Variants in TRIP12 observed in about 807,000 individuals in gnomAD.
The protein encoded by TRIP12 is E3 ubiquitin-protein ligase TRIP12.
In TRIP12, 25 loss-of-function variants were observed where a neutral mutation model predicts 244.2. The observed-to-expected ratio is 0.10, with a 90% CI of 0.07 to 0.14. The LOEUF (loss-of-function observed/expected upper bound fraction) is 0.14. Among genes scored for constraint, TRIP12 ranks in the 10% least tolerant of loss-of-function variants. The probability of loss-of-function intolerance (pLI) is 1.00; values close to 1 mark genes in which losing one functional copy is unlikely to be tolerated. For missense variants in TRIP12, 1,677 were observed against 2,486.4 expected (o/e 0.67, Z 6.92); for synonymous variants, 905 against 873.1 (o/e 1.04, Z -0.64).
chr2:229,876,751 A>G (rs2063660313), intron 2 of TRIP12, among the ~76,000 whole-genome samples: 1 of 151,828 alleles, frequency 6.6e-6, no homozygotes, highest in African/African-American at 2.4e-5. Context: ...GAAACCTTGA[A>G]CTCCTCGGCT....
upstream of TRIP12, among the ~76,000 whole-genome samples, chr2:229,922,765 TCCTCGGTCC>T (rs1482014127): frequency 1.3e-5 from 2 of 152,150 alleles, no homozygotes; most frequent in African/African-American, 4.8e-5. Context: ...CACCTCGGCC[TCCTCGGTCC>T]GACGGCCCGC....
At chr2:229,783,273 TTCAG>T (rs1448630362) in intron 34 of TRIP12, among the ~76,000 whole-genome samples, 5 of 152,358 alleles carry the variant, frequency 3.3e-5, no homozygotes, top group Admixed American at 1.3e-4. Flanking sequence ...GCCATGCTCA[TTCAG>T]TGTCTATTGC....
At chr2:229,809,543 T>C (rs1461976936) in intron 15 of TRIP12, among the ~76,000 whole-genome samples, 2 of 152,270 alleles carry the variant, frequency 1.3e-5, no homozygotes, top group East Asian at 3.9e-4. Flanking sequence ...TAACAAAACA[T>C]ACATTAACAA....
intron 3 of TRIP12, 149 bp downstream of exon 3, chr2:229,860,257 G>C (rs2060244279): frequency 1.0e-6 from 1 of 962,968 alleles, no homozygotes; most frequent in African/African-American, 1.6e-5. Flanking sequence ...CACTGCAAAG[G>C]TGATAAACTG....
intron 1 of TRIP12, among the ~76,000 whole-genome samples, chr2:229,920,294 G>A (rs992013225): frequency 2.0e-5 from 3 of 152,162 alleles, no homozygotes; most frequent in Non-Finnish European, 4.4e-5. Context: ...ACTCTCGAGA[G>A]GAACATAAAG....
intron 2 of TRIP12, among the ~76,000 whole-genome samples, chr2:229,868,921 C>T (rs187854112): frequency 6.6e-6 from 1 of 152,304 alleles, no homozygotes; most frequent in Admixed American, 6.5e-5. Flanking sequence ...CTTGGAAGCA[C>T]GTACTGCCAT....
intron 19 of TRIP12, 146 bp downstream of exon 19, chr2:229,803,853 A>C: frequency 1.2e-6 from 1 of 826,716 alleles, no homozygotes. Context: ...AAAAGCTATT[A>C]TGTGAATATA....
chr2:229,790,311 T>C (rs1372573115), intron 30 of TRIP12, among the ~76,000 whole-genome samples: 6 of 152,186 alleles, frequency 3.9e-5, no homozygotes, highest in Admixed American at 1.3e-4. Context: ...ATTGAAACAG[T>C]TGCCATTTAC....
intron 2 of TRIP12, among the ~76,000 whole-genome samples, chr2:229,867,902 C>T (rs2154343554): frequency 6.6e-6 from 1 of 152,290 alleles, no homozygotes; most frequent in East Asian, 1.9e-4. Flanking sequence ...GTAGGCCCCC[C>T]CAAAAAATTT....
At chr2:229,896,796 G>A (rs1576839413) in intron 1 of TRIP12, among the ~76,000 whole-genome samples, 1 of 151,970 alleles carries the variant, frequency 6.6e-6, no homozygotes, top group Admixed American at 6.6e-5. Context: ...ACAAACACTA[G>A]GCAAAGCTGG....
intron 23 of TRIP12, among the ~76,000 whole-genome samples, chr2:229,798,257 T>A (rs2043311395): frequency 6.6e-6 from 1 of 152,220 alleles, no homozygotes. Context: ...CCCGGCTGCT[T>A]AAATTACAAA....
chr2:229,798,142 A>G (rs2043274515), intron 23 of TRIP12, among the ~76,000 whole-genome samples: 1 of 152,232 alleles, frequency 6.6e-6, no homozygotes, highest in East Asian at 1.9e-4. Flanking sequence ...AAGTACATAC[A>G]TATCTGCATT....
At chr2:229,909,952 T>C (rs965365611) in intron 1 of TRIP12, among the ~76,000 whole-genome samples, 2 of 152,258 alleles carry the variant, frequency 1.3e-5, no homozygotes, top group African/African-American at 2.4e-5. Flanking sequence ...CCTTAAATGA[T>C]TGCTTTTCTA....
intron 24 of TRIP12, among the ~76,000 whole-genome samples, chr2:229,796,993 C>A (rs1465632140): frequency 6.6e-6 from 1 of 151,822 alleles, no homozygotes; most frequent in Admixed American, 6.6e-5. Flanking sequence ...ACCAGGAATC[C>A]ATAATAACAT....
rs1247104056 is a variant in TRIP12, at chr2:229,799,476, G to A, written c.3207-93C>T. 10 of 1,189,740 alleles carry A rather than the reference G, an allele frequency of 8.4e-6. No individual in the cohort carries two copies. The Admixed American group carries it at 1.8e-4, about 21-fold the overall frequency. 73.7% of individuals were successfully genotyped at this position (1,189,740 alleles called of 1,614,324 possible). ...AGCAAACTAAAATGGCAGAAACAGG[G>A]AGTAATAAAATACTGTCAGGCCGGG... On this transcript the variant is annotated intron_variant, in intron 21 of 41. Transcript: ENST00000675903.
At position 229,804,212 on chromosome 2, in the gene TRIP12, G is replaced by A. The variant is rs372044642; in HGVS notation, c.2666C>T (p.Ser889Leu). The A allele has an allele frequency of 2.5e-6, 4 of 1,612,632 alleles. No homozygotes were observed. In the African/African-American group the frequency reaches 5.3e-5, roughly 22 times the overall value. Reference protein sequence around the residue: ...ANSNTSGYSESKKDDARAQLM... With the variant: ...ANSNTSGYSELKKDDARAQLM... ...CTGTGCTCGAGCATCATCCTTCTTTGACTCTGAATATCCACCTATTACATT... is the reference window on the plus strand; with the variant it reads ...CTGTGCTCGAGCATCATCCTTCTTTAACTCTGAATATCCACCTATTACATT... Residue 889 changes from serine (S) to leucine (L), a missense_variant, in exon 19 of 42, where the codon TCA becomes TTA. Physicochemically the swap from Ser to Leu is moderately radical, Grantham distance 145 (BLOSUM62 -2). This residue lies in a region of TRIP12 where 572 missense variants were observed against 867.8 expected (regional missense o/e 0.66). Transcript: ENST00000675903.
chr2:229,901,575 A>G (rs1163918128), intron 1 of TRIP12, among the ~76,000 whole-genome samples: 2 of 149,614 alleles, frequency 1.3e-5, no homozygotes, highest in East Asian at 4.0e-4. Context: ...GTGAGCCGAG[A>G]TTGCACCACT....
intron 2 of TRIP12, among the ~76,000 whole-genome samples, chr2:229,861,930 T>C (rs1159013759): frequency 6.6e-6 from 1 of 152,222 alleles, no homozygotes; most frequent in African/African-American, 2.4e-5. Flanking sequence ...TTTCAAGTGT[T>C]ATTAGTCTTC....
rs370794952 is a variant in TRIP12 at position 229,787,497 on chromosome 2, A to C, written c.4995+8T>G. The C allele has an allele frequency of 1.9e-6, 3 of 1,592,770 alleles. No homozygotes were observed. In the East Asian group the frequency reaches 6.7e-5, roughly 36 times the overall value. ...CAGATTATTTAAAGATTTTGGGGAG[A>C]AACTTACTTTTTTTCTATCCAATCT... is the stretch of plus-strand genomic sequence containing the variant. On this transcript the variant is annotated splice_region_variant and intron_variant, in intron 33 of 41. Coordinates refer to ENST00000675903, the MANE Select transcript of TRIP12 (RefSeq NM_001348323.3).
Sources: gnomAD v4.1 joint callset for allele counts (sites outside exome capture counted in the v4.1 genomes callset) on GRCh38, gnomAD v4.1.1 for gene constraint, gnomAD v4.1.1 regional missense constraint, MANE v1.5 for transcripts, NCBI Gene and HGNC (gene_info 2026-07-23, HGNC 2026-07-21) for gene names.